The following TNNI3K variants were observed in gnomAD, a reference collection of about 807,000 sequenced individuals.
TNNI3K encodes serine/threonine-protein kinase TNNI3K.
A neutral mutation model predicts 114.5 loss-of-function variants in TNNI3K; 140 were observed. That is an observed-to-expected ratio of 1.22 (90% CI 1.07 to 1.41). The LOEUF (loss-of-function observed/expected upper bound fraction) is 1.41. Ranked by LOEUF, TNNI3K falls within the 40% of genes most tolerant of loss-of-function variation. TNNI3K has a pLI of 0.00. For missense variants in TNNI3K, 1,125 were observed against 1,007.6 expected (o/e 1.12, Z -1.58); for synonymous variants, 347 against 347.5 (o/e 1.00, Z 0.02).
intron 5 of TNNI3K, among the ~76,000 whole-genome samples, chr1:74,304,769 G>T (rs969717715): frequency 6.6e-6 from 1 of 152,016 alleles, no homozygotes; most frequent in Admixed American, 6.6e-5. Context: ...TTAAATCAAG[G>T]TATTACATTG....
intron 5 of TNNI3K, among the ~76,000 whole-genome samples, chr1:74,292,507 G>T (rs1369340880): frequency 6.6e-6 from 1 of 151,522 alleles, no homozygotes; most frequent in African/African-American, 2.4e-5. Context: ...CAAACTTAGT[G>T]TTTTTAAATT....
chr1:74,309,452 T>C (rs1658856950), intron 5 of TNNI3K, among the ~76,000 whole-genome samples: 1 of 151,108 alleles, frequency 6.6e-6, no homozygotes. Context: ...CCCTAACTCA[T>C]TTTAGAAAAC....
At chr1:74,415,071 A>G (rs1357845539) in intron 17 of TNNI3K, among the ~76,000 whole-genome samples, 1 of 152,016 alleles carries the variant, frequency 6.6e-6, no homozygotes, top group Non-Finnish European at 1.5e-5. Flanking sequence ...TTTCTGGTTT[A>G]CTCTATCCCA....
chr1:74,347,229 C>T (rs184977449), intron 9 of TNNI3K, among the ~76,000 whole-genome samples: 27 of 147,220 alleles, frequency 1.8e-4, no homozygotes, highest in Non-Finnish European at 3.4e-4. Context: ...CAATTCCCAC[C>T]TATGAGTGAG....
At chr1:74,379,337 A>G (rs57230951) in intron 17 of TNNI3K, among the ~76,000 whole-genome samples, 22 of 2,364 alleles carry the variant, frequency 9.3e-3, no homozygotes, top group African/African-American at 9.8e-3. Context: ...ACACGCGCGC[A>G]CACACACACA....
intron 20 of TNNI3K, among the ~76,000 whole-genome samples, chr1:74,451,683 T>TTTTCTTTTCTTTTCTTTCTTTC (rs1553148031): frequency 5.2e-5 from 4 of 76,282 alleles, no homozygotes; most frequent in South Asian, 5.3e-4. Context: ...TTTTCTTTTC[T>TTTTCTTTTCTTTTCTTTCTTTC]TTTCTTTCTT....
chr1:74,430,286 G>A (rs910569402), intron 17 of TNNI3K, among the ~76,000 whole-genome samples: 11 of 152,072 alleles, frequency 7.2e-5, no homozygotes, highest in African/African-American at 2.7e-4. Context: ...TTTCAATACA[G>A]GCAATTAAAA....
rs940488866 is a variant in TNNI3K, at chr1:74,334,349, A to C, written c.544-1662A>C. ...AGAGATTTATACTCAAGACATGGTTATTTGCTGACTCATGGGAAGTAAAAA... is the reference window on the plus strand; with the variant it reads ...AGAGATTTATACTCAAGACATGGTTCTTTGCTGACTCATGGGAAGTAAAAA... On this transcript the variant is annotated intron_variant, in intron 6 of 24. Coordinates refer to ENST00000326637, the MANE Select transcript of TNNI3K (RefSeq NM_015978.3). 7.2e-5 allele frequency among the ~76,000 whole-genome samples: 11 copies of C among 152,260 alleles called. 1 individual carries two copies. The South Asian group carries it at 1.4e-3, about 20-fold the overall frequency.
chr1:74,298,316 A>G (rs1363209652), intron 5 of TNNI3K, among the ~76,000 whole-genome samples: 2 of 152,172 alleles, frequency 1.3e-5, no homozygotes, highest in East Asian at 3.8e-4. Flanking sequence ...CAACATAGTC[A>G]GGTAGTGTAA....
chr1:74,249,494 A>T lies in TNNI3K; in HGVS notation c.185A>T (p.Tyr62Phe). The T allele has an allele frequency of 6.2e-7, 1 of 1,613,764 alleles. No individual in the cohort carries two copies. The highest frequency in any genetic ancestry group is 8.5e-7 in the Non-Finnish European group (1 of 1,179,840). ...DEAFSKVNLN[Y>F]RTENGLSLLH... ...GCCTTCAGTAAAGTCAATTTAAATT[A>T]CCGCACTGAAAATGGGCTGTCTCTA... The change falls in exon 3 of 25, where the codon TAC becomes TTC. Residue 62 changes from tyrosine to phenylalanine, a missense_variant. Tyr to Phe is a conservative substitution (Grantham distance 22). Coordinates refer to ENST00000326637, the MANE Select transcript of TNNI3K (RefSeq NM_015978.3).
intron 4 of TNNI3K, among the ~76,000 whole-genome samples, chr1:74,260,661 A>G (rs1251506502): frequency 1.3e-5 from 2 of 152,136 alleles, no homozygotes; most frequent in Non-Finnish European, 1.5e-5. Flanking sequence ...ACAAACATTT[A>G]TTGGAAACTA....
chr1:74,336,618 G>C (rs1052389076), intron 7 of TNNI3K, among the ~76,000 whole-genome samples: 21 of 150,778 alleles, frequency 1.4e-4, no homozygotes, highest in Middle Eastern at 3.2e-3. Flanking sequence ...TTTTGTTCTT[G>C]CGATAGTTTA....
chr1:74,250,084 A>G (rs1654834615), intron 3 of TNNI3K, among the ~76,000 whole-genome samples: 1 of 152,208 alleles, frequency 6.6e-6, no homozygotes, highest in Admixed American at 6.5e-5. Flanking sequence ...GAATTAATGA[A>G]TGAACCATTA....
intron 11 of TNNI3K, among the ~76,000 whole-genome samples, chr1:74,361,806 T>G (rs969154700): frequency 9.2e-5 from 14 of 151,826 alleles, no homozygotes; most frequent in African/African-American, 3.4e-4. Context: ...AATGAATATT[T>G]GAGGAAGAAA....
At chr1:74,319,857 T>A (rs1441699113) in intron 5 of TNNI3K, among the ~76,000 whole-genome samples, 1 of 152,126 alleles carries the variant, frequency 6.6e-6, no homozygotes, top group Non-Finnish European at 1.5e-5. Flanking sequence ...TGAATAAAAG[T>A]GTGAAAATAT....
intron 5 of TNNI3K, among the ~76,000 whole-genome samples, chr1:74,279,903 A>C (rs995432446): frequency 6.6e-6 from 1 of 152,216 alleles, no homozygotes; most frequent in Non-Finnish European, 1.5e-5. Flanking sequence ...TAACGTAATA[A>C]ATAACCCAAT....
intron 20 of TNNI3K, among the ~76,000 whole-genome samples, chr1:74,446,439 A>C (rs1666684041): frequency 1.3e-5 from 2 of 149,098 alleles, no homozygotes. Context: ...TCTGGATATT[A>C]GCCCTTTGTC....
intron 9 of TNNI3K, among the ~76,000 whole-genome samples, chr1:74,349,148 C>G (rs1661189855): frequency 6.6e-6 from 1 of 152,042 alleles, no homozygotes; most frequent in Non-Finnish European, 1.5e-5. Flanking sequence ...ATGCATAGCT[C>G]TTATTATTTT....
chr1:74,370,514 G>A, intron 17 of TNNI3K, 122 bp downstream of exon 17: 1 of 747,672 alleles, frequency 1.3e-6, no homozygotes, highest in Non-Finnish European at 2.0e-6. Flanking sequence ...TAAGAGGACA[G>A]GCTACCATAA....
Sources: gnomAD v4.1 joint callset for allele counts (sites outside exome capture counted in the v4.1 genomes callset) on GRCh38, gnomAD v4.1.1 for gene constraint, MANE v1.5 for transcripts, NCBI Gene and HGNC (gene_info 2026-07-23, HGNC 2026-07-21) for gene names.